Variants in SLC9B1 observed in about 807,000 individuals in gnomAD.
SLC9B1 encodes the protein sodium/hydrogen exchanger 9B1.
A neutral mutation model predicts 51.7 loss-of-function variants in SLC9B1; 32 were observed. The ratio of observed to expected loss-of-function variants is 0.62; its 90% CI spans 0.47 to 0.83. The LOEUF (loss-of-function observed/expected upper bound fraction) is 0.83, where lower values mean the gene tolerates loss of function less well. Among genes scored for constraint, SLC9B1 ranks in the 40% least tolerant of loss-of-function variants. The pLI is 0.00. For missense variants in SLC9B1, 406 were observed against 613.2 expected (o/e 0.66, Z 3.57); for synonymous variants, 145 against 212.7 (o/e 0.68, Z 2.77).
At chr4:102,924,547 A>C (rs1368249214) in intron 7 of SLC9B1, among the ~76,000 whole-genome samples, 3 of 152,336 alleles carry the variant, frequency 2.0e-5, no homozygotes, top group African/African-American at 7.2e-5. Context: ...AAAAGCCAAA[A>C]TTGACAAATG....
intron 1 of SLC9B1, among the ~76,000 whole-genome samples, chr4:103,005,679 T>C (rs1740746428): frequency 6.6e-6 from 1 of 152,110 alleles, no homozygotes; most frequent in Non-Finnish European, 1.5e-5. Context: ...ACATGGCACA[T>C]ACTGTAAATT....
intron 3 of SLC9B1, among the ~76,000 whole-genome samples, chr4:102,967,674 G>C (rs918126587): frequency 3.3e-5 from 5 of 152,112 alleles, no homozygotes; most frequent in African/African-American, 1.2e-4. Context: ...ACCAGTGTAA[G>C]AATAGTACCA....
At chr4:102,900,488 A>G (rs1266341940), downstream of SLC9B1, among the ~76,000 whole-genome samples, 1 of 152,246 alleles carries the variant, frequency 6.6e-6, no homozygotes, top group Non-Finnish European at 1.5e-5. Flanking sequence ...TCTATAAATA[A>G]AAATATAGAT....
intron 1 of SLC9B1, among the ~76,000 whole-genome samples, chr4:102,999,815 G>T (rs1740426063): frequency 6.6e-6 from 1 of 152,126 alleles, no homozygotes; most frequent in Non-Finnish European, 1.5e-5. Flanking sequence ...TCCCATATCA[G>T]GCATTGTATT....
At chr4:102,938,392 T>G (rs781255029) in intron 6 of SLC9B1, among the ~76,000 whole-genome samples, 1 of 152,172 alleles carries the variant, frequency 6.6e-6, no homozygotes, top group African/African-American at 2.4e-5. Context: ...TAGAGACCTA[T>G]AGAGAAACTT....
chr4:102,983,647 G>A (rs1371957679), intron 3 of SLC9B1, among the ~76,000 whole-genome samples: 1 of 152,022 alleles, frequency 6.6e-6, no homozygotes, highest in East Asian at 1.9e-4. Flanking sequence ...TTTTTATCTA[G>A]GTTATTGAAT....
At chr4:102,886,389 G>A (rs1481797283) in intron 11 of SLC9B1, among the ~76,000 whole-genome samples, 1 of 151,984 alleles carries the variant, frequency 6.6e-6, no homozygotes, top group Non-Finnish European at 1.5e-5. Flanking sequence ...TACTCAGGAG[G>A]CTGAGGCAGG....
chr4:102,906,261 C>T (rs1243279154), intron 10 of SLC9B1: 5 of 192,672 alleles, frequency 2.6e-5, no homozygotes, highest in African/African-American at 4.8e-5. Context: ...ACTCAAAAAG[C>T]GCTGATCGTA....
Position 102,931,665 on chromosome 4 carries a change from G to C in SLC9B1, c.829+459C>G, listed in dbSNP as rs1736464147. ...CACCTTGGAATCAGAACTGGTGCAG[G>C]ATCTTGTCCTAACACTACCATTAAG... On this transcript the variant is annotated intron_variant, in intron 7 of 11. Transcript: ENST00000296422. Among the ~76,000 whole-genome samples the C allele has an allele frequency of 2.6e-5, 4 of 152,156 alleles. No individual in the cohort carries two copies. In the South Asian group the frequency reaches 8.3e-4, roughly 31 times the overall value.
At chr4:102,933,159 G>A (rs1445961065) in intron 6 of SLC9B1, among the ~76,000 whole-genome samples, 1 of 150,044 alleles carries the variant, frequency 6.7e-6, no homozygotes, top group African/African-American at 2.5e-5. Context: ...TCCCAGTGCT[G>A]CTTGTTGGCT....
chr4:102,923,284 T>G (rs1473712473), intron 7 of SLC9B1, among the ~76,000 whole-genome samples: 1 of 152,076 alleles, frequency 6.6e-6, no homozygotes, highest in Non-Finnish European at 1.5e-5. Context: ...ATGTAATCCA[T>G]CATATAAGCA....
rs181952293 is a variant in SLC9B1 at position 102,954,676 on chromosome 4, T to C, written c.212-5249A>G. 3.0e-4 allele frequency among the ~76,000 whole-genome samples: 45 copies of C among 152,056 alleles called. 1 individual carries two copies. Among genetic ancestry groups the C allele is most frequent in the Admixed American group, 6.5e-4 (10 of 15,276 alleles). On this transcript the variant is annotated intron_variant, in intron 3 of 11. Coordinates refer to ENST00000296422, the MANE Select transcript of SLC9B1 (RefSeq NM_139173.4). The stretch of plus-strand genomic sequence containing the variant: ...TGAAAGATATTGTCAAACAAATACA[T>C]TTAAGAACATATGCCATTTTTTACC...
chr4:102,920,696 C>G (rs924324962), intron 7 of SLC9B1, among the ~76,000 whole-genome samples: 2 of 152,138 alleles, frequency 1.3e-5, no homozygotes, highest in Non-Finnish European at 2.9e-5. Flanking sequence ...CAAGAATAAA[C>G]AGTGTAGAGA....
chr4:102,988,764 A>G (rs943704558), intron 3 of SLC9B1, among the ~76,000 whole-genome samples: 1 of 152,162 alleles, frequency 6.6e-6, no homozygotes, highest in African/African-American at 2.4e-5. Flanking sequence ...AAAATCAAAA[A>G]TGAAAGAAAA....
At chr4:102,995,064 A>G (rs936972044) in intron 1 of SLC9B1, among the ~76,000 whole-genome samples, 2 of 152,192 alleles carry the variant, frequency 1.3e-5, no homozygotes, top group Non-Finnish European at 2.9e-5. Context: ...TTCTGAATAG[A>G]CAGACTGGGA....
intron 3 of SLC9B1, among the ~76,000 whole-genome samples, chr4:102,980,382 T>C (rs2110509368): frequency 6.6e-6 from 1 of 152,316 alleles, no homozygotes; most frequent in East Asian, 1.9e-4. Flanking sequence ...AAAGAAAATG[T>C]GGTACATATA....
rs1578404855 is a variant in SLC9B1 at position 102,989,942 on chromosome 4, CTG to C, written c.70-3_70-2del. The C allele has an allele frequency of 6.4e-7, 1 of 1,572,082 alleles. No individual in the cohort carries two copies. Among genetic ancestry groups the C allele is most frequent in the Non-Finnish European group, 8.7e-7 (1 of 1,155,576 alleles). On this transcript the variant is annotated splice_acceptor_variant and splice_polypyrimidine_tract_variant and intron_variant, in intron 2 of 11. Coordinates refer to ENST00000296422, the MANE Select transcript of SLC9B1 (RefSeq NM_139173.4). ...CAGTATTATTAGGATCAATGAGACTCTGTAGTAAAACAAGAAAATCTTTAAGG... is the reference window on the plus strand; with the variant it reads ...CAGTATTATTAGGATCAATGAGACTCTAGTAAAACAAGAAAATCTTTAAGG...
At chr4:102,898,329 T>C (rs777388573), downstream of SLC9B1, 66 of 315,670 alleles carry the variant, frequency 2.1e-4, no homozygotes, top group Non-Finnish European at 3.4e-4. Context: ...GGAAAAAATT[T>C]GTAAAGTATA....
intron 1 of SLC9B1, among the ~76,000 whole-genome samples, chr4:103,010,705 T>C (rs969865541): frequency 1.3e-5 from 2 of 152,166 alleles, no homozygotes; most frequent in African/African-American, 4.8e-5. Flanking sequence ...TCTTTACATG[T>C]TGGAAGAGAC....
Sources: allele counts gnomAD v4.1 joint callset (sites outside exome capture counted in the v4.1 genomes callset), GRCh38; gene constraint gnomAD v4.1.1; transcripts MANE v1.5; gene names NCBI Gene and HGNC (gene_info 2026-07-23, HGNC 2026-07-21).